The following FANCL variants were observed in gnomAD, a reference collection of about 807,000 sequenced individuals.
FANCL encodes FA complementation group L, also known as E3 ubiquitin-protein ligase FANCL.
A neutral mutation model predicts 59.4 loss-of-function variants in FANCL; 69 were observed. That is an observed-to-expected ratio of 1.16 (90% confidence interval 0.96 to 1.42). The LOEUF is 1.42. FANCL is among the 40% of genes most tolerant of loss of function. The pLI is 0.00. For missense variants in FANCL, 519 were observed against 447.2 expected, an observed-to-expected ratio of 1.16 and a Z score of -1.45; for synonymous variants, 180 against 147.1, an observed-to-expected ratio of 1.22 and a Z score of -1.62.
chr2:58,237,261 T>C (rs189401604), intron 1 of FANCL, among the ~76,000 whole-genome samples: 45 of 152,248 alleles, frequency 3.0e-4, no homozygotes, highest in Non-Finnish European at 5.3e-4. Flanking sequence ...AAAATTTAAA[T>C]CATACAAGTT....
intron 7 of FANCL, among the ~76,000 whole-genome samples, chr2:58,186,676 T>G (rs923840416): frequency 6.6e-6 from 1 of 152,078 alleles, no homozygotes; most frequent in African/African-American, 2.4e-5. Context: ...CACTTACAGG[T>G]GTAGATATGT....
chr2:58,162,368 T>G (rs1041441321), intron 11 of FANCL, among the ~76,000 whole-genome samples: 12 of 151,988 alleles, frequency 7.9e-5, no homozygotes, highest in African/African-American at 2.9e-4. Flanking sequence ...ATTAGCTACT[T>G]TGGAGTTCTC....
intron 7 of FANCL, among the ~76,000 whole-genome samples, chr2:58,171,213 G>C (rs1239476322): frequency 6.6e-6 from 1 of 152,162 alleles, no homozygotes; most frequent in Non-Finnish European, 1.5e-5. Flanking sequence ...TCAGGATTAA[G>C]AAACTCACTC....
chr2:58,238,485 GATA>G (rs1360448045), intron 1 of FANCL, among the ~76,000 whole-genome samples: 1 of 152,094 alleles, frequency 6.6e-6, no homozygotes, highest in South Asian at 2.1e-4. Context: ...ACATTAAAAG[GATA>G]ATAAGGGATT....
intron 7 of FANCL, among the ~76,000 whole-genome samples, chr2:58,193,834 A>G (rs1022249877): frequency 3.9e-5 from 6 of 152,176 alleles, no homozygotes; most frequent in Non-Finnish European, 7.3e-5. Context: ...AAAAGAAAAA[A>G]GGTTCACCAT....
chr2:58,177,470 T>C (rs1480157137), intron 7 of FANCL, among the ~76,000 whole-genome samples: 1 of 152,012 alleles, frequency 6.6e-6, no homozygotes, highest in Non-Finnish European at 1.5e-5. Context: ...GATGAGTTCA[T>C]GTCCTTTGTA....
intron 6 of FANCL, among the ~76,000 whole-genome samples, chr2:58,200,424 T>C (rs1689881585): frequency 1.3e-5 from 2 of 152,032 alleles, no homozygotes. Flanking sequence ...AATGTCAAAA[T>C]TCTTTAAAAA....
At chr2:58,193,212 G>A (rs1689102328) in intron 7 of FANCL, among the ~76,000 whole-genome samples, 1 of 151,852 alleles carries the variant, frequency 6.6e-6, no homozygotes, top group South Asian at 2.1e-4. Flanking sequence ...AGAATTATTT[G>A]GAATAACAAA....
chr2:58,174,168 G>C (rs1476001729), intron 7 of FANCL, among the ~76,000 whole-genome samples: 6 of 152,166 alleles, frequency 3.9e-5, no homozygotes, highest in African/African-American at 1.4e-4. Context: ...AGAGACTTAA[G>C]ACTCCCACAC....
intron 4 of FANCL, 90 bp downstream of exon 4, chr2:58,226,638 T>A: frequency 3.2e-6 from 3 of 938,996 alleles, no homozygotes; most frequent in Non-Finnish European, 5.1e-6. Flanking sequence ...AGAAGACAAA[T>A]TCTAATAATG....
chr2:58,232,723 A>C (rs1363242569), intron 1 of FANCL, among the ~76,000 whole-genome samples: 3 of 152,038 alleles, frequency 2.0e-5, no homozygotes. Context: ...AATTTTACTC[A>C]AGAGTCTTTC....
At chr2:58,167,566 C>A (rs1686081680) in intron 7 of FANCL, among the ~76,000 whole-genome samples, 1 of 152,172 alleles carries the variant, frequency 6.6e-6, no homozygotes, top group Non-Finnish European at 1.5e-5. Context: ...ATGGCATTGT[C>A]CATTTCTCTT....
At chr2:58,216,850 G>A (rs114576415) in intron 5 of FANCL, among the ~76,000 whole-genome samples, 2,179 of 151,868 alleles carry the variant, frequency 0.014, 66 homozygotes, top group African/African-American at 0.051. Context: ...ATCCAAGCAC[G>A]GGGGTAAAGC....
At position 58,167,083 on chromosome 2, in the gene FANCL, G is replaced by A. The variant is rs150459180; in HGVS notation, c.541-1209C>T. The stretch of plus-strand genomic sequence containing the variant: ...AAAAATTAGCTGGGCGTAGTGGCAC[G>A]CGCCCATAGTCCCAGCTATTTGGGA... On this transcript the variant is annotated intron_variant, in intron 7 of 13. Transcript: ENST00000233741. 6.6e-3 allele frequency among the ~76,000 whole-genome samples: 1,007 copies of A among 152,236 alleles called. 12 individuals carry two copies. Among genetic ancestry groups the A allele is most frequent in the African/African-American group, 0.022 (916 of 41,556 alleles).
intron 12 of FANCL, among the ~76,000 whole-genome samples, chr2:58,160,733 A>C (rs1467157192): frequency 2.0e-5 from 3 of 152,046 alleles, no homozygotes; most frequent in Non-Finnish European, 4.4e-5. Flanking sequence ...TATTTCTGTA[A>C]TTTGACCTGT....
At chr2:58,200,432 A>C (rs1689882049) in intron 6 of FANCL, among the ~76,000 whole-genome samples, 1 of 152,074 alleles carries the variant, frequency 6.6e-6, no homozygotes, top group Non-Finnish European at 1.5e-5. Flanking sequence ...AATTCTTTAA[A>C]AATAATGTGC....
intron 5 of FANCL, among the ~76,000 whole-genome samples, chr2:58,221,093 G>T (rs1013384708): frequency 6.6e-6 from 1 of 151,426 alleles, no homozygotes; most frequent in African/African-American, 2.4e-5. Context: ...GGCGCCTGTA[G>T]TCCCAGCTAC....
At chr2:58,231,911 AAAATCAGAAATGTTTC>A in intron 2 of FANCL, 127 bp downstream of exon 2, 1 of 716,818 alleles carries the variant, frequency 1.4e-6, no homozygotes, top group Non-Finnish European at 2.5e-6. Flanking sequence ...TTGGTTTGGA[AAAATCAGAAATGTTTC>A]TTTTGGGGCA....
At chr2:58,179,512 T>A (rs909447456) in intron 7 of FANCL, among the ~76,000 whole-genome samples, 1 of 152,266 alleles carries the variant, frequency 6.6e-6, no homozygotes, top group South Asian at 2.1e-4. Context: ...TAAACGGTGT[T>A]GGGAAAACTG....
Sources: gnomAD v4.1 joint callset for allele counts (sites outside exome capture counted in the v4.1 genomes callset) on GRCh38, gnomAD v4.1.1 for gene constraint, MANE v1.5 for transcripts, NCBI Gene and HGNC (gene_info 2026-07-23, HGNC 2026-07-21) for gene names.